Variants in DRD2 observed in about 807,000 individuals in gnomAD.
DRD2 encodes the protein D(2) dopamine receptor.
In DRD2, 8 loss-of-function variants were observed where a neutral mutation model predicts 38.0. The observed-to-expected ratio is 0.21, with a 90% confidence interval of 0.12 to 0.38. DRD2 has a LOEUF of 0.38. DRD2 is among the 10% of genes least tolerant of loss of function. The pLI is 1.00. For synonymous variants in DRD2, 230 were observed against 238.6 expected (o/e 0.96, Z 0.33); for missense variants, 403 against 607.7 (o/e 0.66, Z 3.54).
At position 113,412,551 on chromosome 11, in the gene DRD2, C is replaced by T. The variant is rs1162405997; in HGVS notation, c.1138+5G>A. 1 of 1,596,432 alleles carries T rather than the reference C, an allele frequency of 6.3e-7. No homozygotes were observed. Among genetic ancestry groups the T allele is most frequent in the Non-Finnish European group, 8.5e-7 (1 of 1,173,956 alleles). ...GGCTGTGGCCAGCAGCCAGGGCCGA[C>T]TCACCGAGAACAATGGCGAGCATCT... is the stretch of plus-strand genomic sequence containing the variant. On this transcript the variant is annotated splice_donor_5th_base_variant and intron_variant, in intron 7 of 7. Coordinates refer to ENST00000362072, the MANE Select transcript of DRD2 (RefSeq NM_000795.4).
At chr11:113,456,835 A>G (rs1221803641) in intron 1 of DRD2, among the ~76,000 whole-genome samples, 2 of 152,304 alleles carry the variant, frequency 1.3e-5, no homozygotes, top group Admixed American at 6.5e-5. Context: ...CAATAACATA[A>G]ATATTCTTAA....
At chr11:113,412,196 A>G (rs768435797) in intron 7 of DRD2, 50 of 347,514 alleles carry the variant, frequency 1.4e-4, no homozygotes, top group Middle Eastern at 9.0e-4. Context: ...GAAGTAACCT[A>G]CTCTACAGAT....
chr11:113,413,922 A>T (rs1950796070), intron 6 of DRD2: 2 of 284,796 alleles, frequency 7.0e-6, no homozygotes, highest in South Asian at 7.2e-5. Flanking sequence ...GAAAGAACAC[A>T]GGTGTGGATT....
At chr11:113,437,314 T>C (rs912421561) in intron 1 of DRD2, among the ~76,000 whole-genome samples, 1 of 152,036 alleles carries the variant, frequency 6.6e-6, no homozygotes, top group East Asian at 1.9e-4. Context: ...TGAGTATGGA[T>C]CTAGGGTACG....
chr11:113,432,338 C>A (rs961425534), intron 1 of DRD2, among the ~76,000 whole-genome samples: 17 of 151,746 alleles, frequency 1.1e-4, no homozygotes, highest in African/African-American at 3.9e-4. Flanking sequence ...CTCCCTCTAT[C>A]CCCACCACCT....
At chr11:113,421,546 A>G (rs555098443) in intron 2 of DRD2, among the ~76,000 whole-genome samples, 1 of 152,178 alleles carries the variant, frequency 6.6e-6, no homozygotes, top group Non-Finnish European at 1.5e-5. Context: ...AATAGCATCT[A>G]GATGGAAAGG....
chr11:113,434,170 G>C (rs529095641), intron 1 of DRD2, among the ~76,000 whole-genome samples: 35 of 152,316 alleles, frequency 2.3e-4, no homozygotes, highest in African/African-American at 7.9e-4. Context: ...GTGACACCCA[G>C]CACAGGTGTA....
chr11:113,415,276 T>G (rs920264425), intron 5 of DRD2, 145 bp downstream of exon 5: 1 of 1,036,230 alleles, frequency 9.7e-7, no homozygotes, highest in African/African-American at 1.6e-5. Flanking sequence ...CTTCAAAATC[T>G]GCCCTTGCCC....
chr11:113,448,365 G>C (rs1426869190), intron 1 of DRD2, among the ~76,000 whole-genome samples: 1 of 152,130 alleles, frequency 6.6e-6, no homozygotes, highest in Non-Finnish European at 1.5e-5. Flanking sequence ...CAGATGCACG[G>C]TGGCTGAAAA....
intron 1 of DRD2, among the ~76,000 whole-genome samples, chr11:113,452,459 TGTGTGTGTGTGCGCGCGCGCGC>T (rs1565675234): frequency 1.8e-5 from 2 of 110,466 alleles, no homozygotes. Flanking sequence ...TGTGTGTGTG[TGTGTGTGTGTGCGCGCGCGCGC>T]GCGCGCACAT....
rs913539690 is a variant in DRD2 at position 113,410,300 on chromosome 11, T to C, written c.*427A>G. The stretch of plus-strand genomic sequence containing the variant: ...CTTGCCTCCTGTGGGCCTTGCAGGG[T>C]GTGAACTGTCCATCTCTCCCCACCG... On this transcript the variant is annotated 3_prime_UTR_variant, in exon 8 of 8. Transcript: ENST00000362072. 12 of 339,472 alleles carry C rather than the reference T, an allele frequency of 3.5e-5. No individual in the cohort carries two copies. In the Admixed American group the frequency reaches 4.8e-4, roughly 14 times the overall value. The allele number at this position is 339,472 out of a possible 1,614,324, so 21.0% of individuals were successfully genotyped here.
intron 2 of DRD2, among the ~76,000 whole-genome samples, chr11:113,421,238 G>A (rs1950881258): frequency 6.6e-6 from 1 of 152,082 alleles, no homozygotes; most frequent in Non-Finnish European, 1.5e-5. Flanking sequence ...CTCATGCTGG[G>A]CCTTATGCCC....
intron 1 of DRD2, among the ~76,000 whole-genome samples, chr11:113,449,690 G>C (rs551456454): frequency 6.6e-6 from 1 of 152,244 alleles, no homozygotes; most frequent in South Asian, 2.1e-4. Flanking sequence ...CTGTTAGCCA[G>C]TTAAGCTGTG....
chr11:113,442,686 C>T (rs1366755123), intron 1 of DRD2, among the ~76,000 whole-genome samples: 1 of 152,216 alleles, frequency 6.6e-6, no homozygotes, highest in African/African-American at 2.4e-5. Flanking sequence ...GTTCCATTTG[C>T]TTTAGACTTT....
rs971025950 is a variant in DRD2 at position 113,459,203 on chromosome 11, T to C, written c.-32+15873A>G. ...AAGCTGATGCATATAAGGAAGATAA[T>C]ATAGTCAGTATTTGAAAGTGGTAGA... On this transcript the variant is annotated intron_variant, in intron 1 of 7. Coordinates refer to ENST00000362072, the MANE Select transcript of DRD2 (RefSeq NM_000795.4). Among the ~76,000 whole-genome samples the C allele has an allele frequency of 2.0e-5, 3 of 152,314 alleles. No homozygotes were observed. The East Asian group carries it at 5.8e-4, about 29-fold the overall frequency.
At chr11:113,441,386 C>G (rs1011537520) in intron 1 of DRD2, among the ~76,000 whole-genome samples, 1 of 152,228 alleles carries the variant, frequency 6.6e-6, no homozygotes, top group Non-Finnish European at 1.5e-5. Flanking sequence ...CCAGGGACTG[C>G]AAACTGGTAG....
chr11:113,439,233 A>G (rs936607691), intron 1 of DRD2, among the ~76,000 whole-genome samples: 1 of 152,172 alleles, frequency 6.6e-6, no homozygotes, highest in Non-Finnish European at 1.5e-5. Context: ...ACCTATGTGT[A>G]TCTTTAGCAT....
At chr11:113,413,190 T>G in intron 6 of DRD2, 1 of 625,030 alleles carries the variant, frequency 1.6e-6, no homozygotes, top group South Asian at 1.6e-5. Flanking sequence ...GTTAGCAAAG[T>G]GCCAGGTGCC....
At chr11:113,447,940 T>G (rs2119888222) in intron 1 of DRD2, among the ~76,000 whole-genome samples, 1 of 152,218 alleles carries the variant, frequency 6.6e-6, no homozygotes, top group Admixed American at 6.5e-5. Flanking sequence ...GAGCTCAGGG[T>G]GCCCAGGCCC....
Sources: allele counts gnomAD v4.1 joint callset (sites outside exome capture counted in the v4.1 genomes callset), GRCh38; gene constraint gnomAD v4.1.1; transcripts MANE v1.5; gene names NCBI Gene and HGNC (gene_info 2026-07-23, HGNC 2026-07-21).